The following MYO7B variants were observed in gnomAD, a reference collection of about 807,000 sequenced individuals.
MYO7B encodes myosin VIIB.
MYO7B carries 212 observed loss-of-function variants against 259.7 expected under a neutral mutation model. The ratio of observed to expected loss-of-function variants is 0.82; its 90% CI spans 0.73 to 0.91. The LOEUF is 0.91. Ranked by LOEUF, MYO7B falls within the 40% of genes least tolerant of loss-of-function variation. The probability of loss-of-function intolerance (pLI) is 0.00; values close to 1 mark genes in which losing one functional copy is unlikely to be tolerated. For synonymous variants in MYO7B, 1,197 were observed against 1,166.4 expected (o/e 1.03, Z -0.54); for missense variants, 2,732 against 2,813.5 (o/e 0.97, Z 0.66).
chr2:127,561,295 T>TA (rs1678076488), intron 2 of MYO7B, among the ~76,000 whole-genome samples: 2 of 151,876 alleles, frequency 1.3e-5, no homozygotes, highest in Non-Finnish European at 2.9e-5. Flanking sequence ...GACAGAGTCT[T>TA]ACTCTGTCAC....
Position 127,539,657 on chromosome 2 carries a change from G to A in MYO7B, c.-24+3826G>A, listed in dbSNP as rs112225082. 3.4e-3 allele frequency among the ~76,000 whole-genome samples: 521 copies of A among 151,352 alleles called. 5 individuals are homozygous for A. The highest frequency in any genetic ancestry group is 0.012 in the African/African-American group (491 of 40,852). On this transcript the variant is annotated intron_variant, in intron 1 of 47. Coordinates refer to ENST00000409816, the MANE Select transcript of MYO7B (RefSeq NM_001393586.1). This position sits in a 1 kb window ranked among gnomAD's most constrained non-coding sequence, Gnocchi z 4.0. ...GACTATCATAAAAAGGAATGAATAA[G>A]GACTTCCTTGAGGGCTATTTCTTTT...
chr2:127,622,270 G>A (rs935449918), intron 28 of MYO7B, among the ~76,000 whole-genome samples, 169 bp downstream of exon 28: 1 of 152,086 alleles, frequency 6.6e-6, no homozygotes, highest in Non-Finnish European at 1.5e-5. Context: ...GTGCCCCTGG[G>A]GCTCGGCCTC....
chr2:127,563,729 G>A (rs531967597), intron 2 of MYO7B, among the ~76,000 whole-genome samples: 3 of 152,288 alleles, frequency 2.0e-5, no homozygotes, highest in East Asian at 1.9e-4. Context: ...TCTAGTGCTC[G>A]TTTCTGTTTC....
intron 42 of MYO7B, 58 bp from the exon 43 acceptor site, chr2:127,635,062 G>A: frequency 2.1e-6 from 3 of 1,427,918 alleles, no homozygotes; most frequent in East Asian, 2.4e-5. Context: ...GTGGCAGGGG[G>A]TCAGGGCTGG....
In MYO7B at chr2:127,578,192, G is replaced by A. The variant is rs762467347; in HGVS notation, c.909G>A (p.Ser303=). The part of the protein sequence containing the change: ...NDAKDYAHIR[S]AMKILQFSDS... ...CCAAGGACTACGCCCACATCCGCTCGGCCATGAAGATCCTCCAGTTCTCCG... is the reference window on the plus strand; with the variant it reads ...CCAAGGACTACGCCCACATCCGCTCAGCCATGAAGATCCTCCAGTTCTCCG... The change falls in exon 9 of 48, where the codon TCG becomes TCA. Residue 303 remains serine (S), a synonymous_variant. Transcript: ENST00000409816. The A allele has an allele frequency of 3.0e-5, 49 of 1,613,670 alleles. 1 individual carries two copies. In the Middle Eastern group the frequency reaches 6.6e-4, roughly 22 times the overall value.
chr2:127,565,122 TC>T (rs1678274690), intron 3 of MYO7B, 110 bp from the exon 4 acceptor site: 2 of 1,372,592 alleles, frequency 1.5e-6, no homozygotes, highest in Non-Finnish European at 2.0e-6. Context: ...GGTCAGCTGA[TC>T]CATGACCCGG....
At position 127,609,423 on chromosome 2, in the gene MYO7B, G is replaced by A. The variant is rs1680288201; in HGVS notation, c.2815-83G>A. 6 of 1,308,374 alleles carry A rather than the reference G, an allele frequency of 4.6e-6. No homozygotes were observed. Among genetic ancestry groups the A allele is most frequent in the African/African-American group, 1.5e-5 (1 of 68,352 alleles). 81.0% of individuals were successfully genotyped at this position (1,308,374 alleles called of 1,614,324 possible). A position where few individuals can be genotyped will look rare whatever the true frequency, so the allele number is the denominator to read the frequency against. On this transcript the variant is annotated intron_variant, in intron 22 of 47. Transcript: ENST00000409816. This position sits in a 1 kb window ranked among gnomAD's most constrained non-coding sequence, Gnocchi z 6.9. ...AGGGTAATGCAACAGCCCCCGTGCT[G>A]CCCGGCCTGCTGGACAGTCAGCTGA...
At position 127,636,769 on chromosome 2, in the gene MYO7B, G is replaced by A; in HGVS notation, c.6208-25G>A. On this transcript the variant is annotated intron_variant, in intron 46 of 47. Transcript: ENST00000409816. The surrounding 1 kb of genome is among the most constrained non-coding windows in gnomAD (Gnocchi z 4.5). Reference sequence around the variant, plus strand: ...AGAGCCCGTGCTCTGGAGGCGTCCGGCCCACCCACCCTCTCTGCCCCCAGG... The same window carrying A: ...AGAGCCCGTGCTCTGGAGGCGTCCGACCCACCCACCCTCTCTGCCCCCAGG... 1 of 1,608,856 alleles carries A rather than the reference G, an allele frequency of 6.2e-7. No individual in the cohort carries two copies. Among genetic ancestry groups the A allele is most frequent in the African/African-American group, 1.3e-5 (1 of 74,908 alleles).
In MYO7B at chr2:127,569,624, C is replaced by T. The variant is rs551949704; in HGVS notation, c.471-165C>T. Among the ~76,000 whole-genome samples the T allele has an allele frequency of 1.6e-4, 24 of 152,260 alleles. No homozygotes were observed. In the South Asian group the frequency reaches 4.1e-3, roughly 26 times the overall value. On this transcript the variant is annotated intron_variant, in intron 5 of 47. Coordinates refer to ENST00000409816, the MANE Select transcript of MYO7B (RefSeq NM_001393586.1). Reference sequence around the variant, plus strand: ...CATGTACAACACAGGCAGCCTGAGACCCACAGGGGATTTCAGGGCTTCAGT... The same window carrying T: ...CATGTACAACACAGGCAGCCTGAGATCCACAGGGGATTTCAGGGCTTCAGT...
chr2:127,566,014 G>A (rs965298094), intron 4 of MYO7B, among the ~76,000 whole-genome samples: 1 of 152,362 alleles, frequency 6.6e-6, no homozygotes, highest in East Asian at 1.9e-4. Context: ...GCCCTTCTGG[G>A]CTGCTCAGAG....
chr2:127,563,076 G>T (rs921401384), intron 2 of MYO7B, among the ~76,000 whole-genome samples: 3 of 151,244 alleles, frequency 2.0e-5, no homozygotes, highest in African/African-American at 7.3e-5. Context: ...TTTTTCATTC[G>T]GCTCTGCCAA....
intron 14 of MYO7B, among the ~76,000 whole-genome samples, chr2:127,587,124 T>C (rs181326674): frequency 6.6e-6 from 1 of 152,172 alleles, no homozygotes; most frequent in East Asian, 1.9e-4. Context: ...GGGAGGAAAG[T>C]GAAAGAGGAA....
chr2:127,566,651 A>C lies in MYO7B; in HGVS notation c.294A>C (p.Thr98=). The C allele has an allele frequency of 6.3e-7, 1 of 1,586,730 alleles. No individual in the cohort carries two copies. The highest frequency in any genetic ancestry group is 8.6e-7 in the Non-Finnish European group (1 of 1,167,718). ...RYQQHKIYTY[T]GSILVAVNPF... ...ACCTGCTTCCTTCCCAGACATACAC[A>C]GGCTCCATCCTGGTGGCCGTCAACC... The change falls in exon 5 of 48, where the codon ACA becomes ACC. Residue 98 remains threonine, a synonymous_variant. Coordinates refer to ENST00000409816, the MANE Select transcript of MYO7B (RefSeq NM_001393586.1).
At position 127,629,832 on chromosome 2, in the gene MYO7B, T is replaced by A. The variant is rs1681369130; in HGVS notation, c.4806+6T>A. ...AGCCCTCGGCACAGCTGCTGGTAAC[T>A]GGCACGCTCCCCTGTCCTCAGCCTG... On this transcript the variant is annotated splice_donor_region_variant and intron_variant, in intron 35 of 47. Coordinates refer to ENST00000409816, the MANE Select transcript of MYO7B (RefSeq NM_001393586.1). 4.5e-6 allele frequency: 7 copies of A among 1,550,496 alleles called. No homozygotes were observed. The highest frequency in any genetic ancestry group is 6.1e-6 in the Non-Finnish European group (7 of 1,145,988).
At chr2:127,598,307 G>A (rs78002402) in intron 19 of MYO7B, among the ~76,000 whole-genome samples, 3,057 of 152,312 alleles carry the variant, frequency 0.02, 40 homozygotes, top group Admixed American at 0.028. Flanking sequence ...CCTTCTGACA[G>A]GTATGTGATG....
intron 1 of MYO7B, among the ~76,000 whole-genome samples, chr2:127,544,459 A>G (rs1325852699): frequency 1.3e-5 from 2 of 152,124 alleles, no homozygotes; most frequent in Middle Eastern, 3.4e-3. Context: ...CCCAGGCTGG[A>G]GTGCAATGGC....
rs1162760655 is a variant in MYO7B, at chr2:127,627,776, T to C, written c.4460+466T>C. Reference sequence around the variant, plus strand: ...CCACTCCCATGGGTCTCCATGGATCTCATTGACTGGGAACTTTTCCATGCC... The same window carrying C: ...CCACTCCCATGGGTCTCCATGGATCCCATTGACTGGGAACTTTTCCATGCC... On this transcript the variant is annotated intron_variant, in intron 33 of 47. Transcript: ENST00000409816. This position sits in a 1 kb window ranked among gnomAD's most constrained non-coding sequence, Gnocchi z 5.6. 2.2e-6 allele frequency: 1 copy of C among 458,128 alleles called. No individual in the cohort carries two copies. The highest frequency in any genetic ancestry group is 4.4e-6 in the Non-Finnish European group (1 of 227,986). The allele number at this position is 458,128 out of a possible 1,614,324, so 28.4% of individuals were successfully genotyped here.
intron 24 of MYO7B, among the ~76,000 whole-genome samples, chr2:127,610,777 A>G (rs2105037689): frequency 6.6e-6 from 1 of 152,340 alleles, no homozygotes; most frequent in East Asian, 1.9e-4. Flanking sequence ...GACTAACTGC[A>G]TAGGAATCTA....
intron 26 of MYO7B, among the ~76,000 whole-genome samples, chr2:127,619,265 G>A (rs1680723630): frequency 7.9e-6 from 1 of 126,962 alleles, no homozygotes; most frequent in Admixed American, 7.7e-5. Flanking sequence ...GTGGCCAGTT[G>A]GATGGTGGTG....
Sources: allele counts gnomAD v4.1 joint callset (sites outside exome capture counted in the v4.1 genomes callset), GRCh38; gene constraint gnomAD v4.1.1; non-coding constraint Gnocchi (gnomAD v3.1); transcripts MANE v1.5; gene names NCBI Gene and HGNC (gene_info 2026-07-23, HGNC 2026-07-21).